DGKB: variants seen among roughly 807,000 people sequenced by gnomAD.
DGKB encodes the protein 90 kDa diacylglycerol kinase.
In DGKB, 67 loss-of-function variants were observed where a neutral mutation model predicts 114.3. That is an observed-to-expected ratio of 0.59 (90% confidence interval 0.48 to 0.72). The LOEUF is 0.72. Ranked by LOEUF, DGKB falls within the 30% of genes least tolerant of loss-of-function variation. The pLI, the probability that DGKB is intolerant of heterozygous loss-of-function variation, is 0.00. For missense variants in DGKB, 907 were observed against 975.2 expected (o/e 0.93, Z 0.93); for synonymous variants, 398 against 323.1 (o/e 1.23, Z -2.49).
chr7:14,919,154 A>G (rs1191091159), intron 1 of DGKB, among the ~76,000 whole-genome samples: 1 of 151,850 alleles, frequency 6.6e-6, no homozygotes, highest in Non-Finnish European at 1.5e-5. Context: ...AAAAAGACCC[A>G]GAAATAGGTG....
intron 13 of DGKB, among the ~76,000 whole-genome samples, chr7:14,650,911 C>T (rs892587420): frequency 9.9e-5 from 15 of 152,046 alleles, no homozygotes; most frequent in Middle Eastern, 3.4e-3. Flanking sequence ...AATGGATAAA[C>T]TCCTCGACAC....
At chr7:14,625,144 CTGTG>C (rs1338311198) in intron 14 of DGKB, among the ~76,000 whole-genome samples, 1 of 152,054 alleles carries the variant, frequency 6.6e-6, no homozygotes, top group Non-Finnish European at 1.5e-5. Context: ...ATCCATCTGT[CTGTG>C]TATTTTATTA....
Position 14,910,638 on chromosome 7 carries a change from G to A in DGKB, c.-188+64058C>T, listed in dbSNP as rs1783955501. On this transcript the variant is annotated intron_variant, in intron 1 of 4. Coordinates refer to the DGKB transcript ENST00000437998. The stretch of plus-strand genomic sequence containing the variant: ...CTTTCAATTTTCACATGAACAATCA[G>A]AAGTACAAAGAACTTAACTAATTTA... Among the ~76,000 whole-genome samples the A allele has an allele frequency of 2.6e-5, 4 of 152,182 alleles. No homozygotes were observed. In the South Asian group the frequency reaches 8.3e-4, roughly 32 times the overall value.
At chr7:14,597,899 A>G (rs1802869251) in intron 17 of DGKB, among the ~76,000 whole-genome samples, 1 of 152,092 alleles carries the variant, frequency 6.6e-6, no homozygotes, top group Non-Finnish European at 1.5e-5. Flanking sequence ...GAATATTAAA[A>G]TTTCTTGGGA....
chr7:14,556,075 G>C (rs141843069), intron 20 of DGKB, among the ~76,000 whole-genome samples: 3 of 152,148 alleles, frequency 2.0e-5, no homozygotes, highest in Non-Finnish European at 4.4e-5. Context: ...GGAGATTCAA[G>C]AATGATCTCT....
At chr7:14,613,288 T>C (rs1331106536) in intron 16 of DGKB, 52 bp downstream of exon 16, 2 of 1,107,830 alleles carry the variant, frequency 1.8e-6, no homozygotes, top group South Asian at 3.0e-5. Flanking sequence ...TAGTTTTGTC[T>C]ATTTTTTTAC....
intron 20 of DGKB, among the ~76,000 whole-genome samples, chr7:14,550,206 CAT>C (rs1794911596): frequency 6.6e-6 from 1 of 152,106 alleles, no homozygotes; most frequent in Non-Finnish European, 1.5e-5. Flanking sequence ...TGCTGCTTAA[CAT>C]ACAACTTATT....
At chr7:14,370,396 C>A (rs1817438980) in intron 21 of DGKB, among the ~76,000 whole-genome samples, 2 of 152,072 alleles carry the variant, frequency 1.3e-5, no homozygotes, top group Non-Finnish European at 2.9e-5. Context: ...TTAGAATTGT[C>A]TGGGCTATAG....
intron 1 of DGKB, among the ~76,000 whole-genome samples, chr7:14,895,800 A>G (rs906489839): frequency 6.6e-6 from 1 of 151,668 alleles, no homozygotes; most frequent in African/African-American, 2.4e-5. Context: ...CTAGCTGAGT[A>G]TGACTGACAA....
chr7:14,441,762 T>C (rs1379155133), intron 21 of DGKB, among the ~76,000 whole-genome samples: 14 of 152,136 alleles, frequency 9.2e-5, no homozygotes, highest in Non-Finnish European at 1.5e-4. Context: ...TACTGTTATA[T>C]GTTTTTTGCT....
At chr7:14,626,892 A>C (rs1250277895) in intron 14 of DGKB, among the ~76,000 whole-genome samples, 1 of 152,150 alleles carries the variant, frequency 6.6e-6, no homozygotes, top group Non-Finnish European at 1.5e-5. Context: ...GTAAAGGCAA[A>C]AGTATGAGTT....
intron 23 of DGKB, among the ~76,000 whole-genome samples, chr7:14,293,513 T>C (rs1802080226): frequency 6.6e-6 from 1 of 152,138 alleles, no homozygotes; most frequent in African/African-American, 2.4e-5. Context: ...CAATGTAAAA[T>C]GTACTCAATA....
At chr7:14,647,321 G>A (rs544345425) in intron 13 of DGKB, among the ~76,000 whole-genome samples, 66 of 152,016 alleles carry the variant, frequency 4.3e-4, no homozygotes, top group African/African-American at 1.4e-3. Context: ...GAAATAAAAA[G>A]TCTCCCAAAA....
intron 20 of DGKB, among the ~76,000 whole-genome samples, chr7:14,493,065 T>C (rs1332711936): frequency 6.6e-6 from 1 of 152,104 alleles, no homozygotes; most frequent in African/African-American, 2.4e-5. Context: ...AATAGTTTTA[T>C]GTTAGTTTCC....
intron 6 of DGKB, among the ~76,000 whole-genome samples, chr7:14,718,094 C>T (rs567353620): frequency 6.6e-6 from 1 of 152,258 alleles, no homozygotes; most frequent in East Asian, 1.9e-4. Flanking sequence ...TGTGTCTCTG[C>T]CAACAAGAGT....
At chr7:14,860,104 T>A (rs1850750850) in intron 1 of DGKB, among the ~76,000 whole-genome samples, 3 of 152,132 alleles carry the variant, frequency 2.0e-5, no homozygotes, top group East Asian at 3.8e-4. Flanking sequence ...TGTATTTTCA[T>A]ACTTACATGA....
At chr7:14,245,744 A>G (rs942150655) in intron 23 of DGKB, among the ~76,000 whole-genome samples, 1 of 152,116 alleles carries the variant, frequency 6.6e-6, no homozygotes, top group Non-Finnish European at 1.5e-5. Context: ...CCTGGCCAAC[A>G]TGGTGAAACC....
intron 21 of DGKB, among the ~76,000 whole-genome samples, chr7:14,398,075 G>A (rs756189179): frequency 2.0e-5 from 3 of 152,012 alleles, no homozygotes; most frequent in Non-Finnish European, 2.9e-5. Context: ...GATGTTTTAC[G>A]CATTGGAGAA....
intron 21 of DGKB, among the ~76,000 whole-genome samples, chr7:14,432,877 C>A (rs1175361403): frequency 2.6e-5 from 4 of 152,120 alleles, no homozygotes; most frequent in Non-Finnish European, 5.9e-5. Flanking sequence ...AAGTAACACG[C>A]TCCAAAGGTA....
Sources: allele counts gnomAD v4.1 joint callset (sites outside exome capture counted in the v4.1 genomes callset), GRCh38; gene constraint gnomAD v4.1.1; transcripts MANE v1.5; gene names NCBI Gene and HGNC (gene_info 2026-07-23, HGNC 2026-07-21).